PCLO: variants seen among roughly 807,000 people sequenced by gnomAD.
PCLO encodes the protein piccolo presynaptic cytomatrix protein, also known as protein piccolo.
A neutral mutation model predicts 427.5 loss-of-function variants in PCLO; 82 were observed. The observed-to-expected ratio is 0.19, with a 90% CI of 0.16 to 0.23. The LOEUF (loss-of-function observed/expected upper bound fraction) is 0.23. PCLO is among the 10% of genes least tolerant of loss of function. The pLI is 1.00. For missense variants in PCLO, 6,239 were observed against 6,115.9 expected (o/e 1.02, Z -0.67); for synonymous variants, 2,357 against 2,155.4 (o/e 1.09, Z -2.59).
intron 6 of PCLO, among the ~76,000 whole-genome samples, chr7:82,929,507 T>G (rs1794792404): frequency 6.6e-6 from 1 of 152,162 alleles, no homozygotes; most frequent in African/African-American, 2.4e-5. Flanking sequence ...AATTTCTACA[T>G]TAGCATATAT....
At chr7:82,870,126 T>G (rs1371955641) in intron 10 of PCLO, among the ~76,000 whole-genome samples, 1 of 151,698 alleles carries the variant, frequency 6.6e-6, no homozygotes, top group East Asian at 1.9e-4. Context: ...AGGCCCTGAA[T>G]AGACAAAGCA....
chr7:83,045,932 A>G (rs888795160), intron 3 of PCLO, among the ~76,000 whole-genome samples: 1 of 151,990 alleles, frequency 6.6e-6, no homozygotes, highest in Admixed American at 6.6e-5. Context: ...GGCTTTAACA[A>G]CTGAAATTTA....
At chr7:83,139,014 T>G (rs1791798649) in intron 2 of PCLO, among the ~76,000 whole-genome samples, 1 of 152,214 alleles carries the variant, frequency 6.6e-6, no homozygotes, top group East Asian at 1.9e-4. Flanking sequence ...AAAATCCCAA[T>G]TCAAGTTGTT....
chr7:82,835,625 A>T (rs1792214563), intron 16 of PCLO, 42 bp downstream of exon 16: 1 of 1,558,788 alleles, frequency 6.4e-7, no homozygotes, highest in African/African-American at 1.4e-5. Flanking sequence ...ATAATTCAAG[A>T]CATAGCAGCA....
At chr7:82,963,297 G>T (rs977904126) in intron 4 of PCLO, among the ~76,000 whole-genome samples, 1 of 151,914 alleles carries the variant, frequency 6.6e-6, no homozygotes, top group Admixed American at 6.6e-5. Flanking sequence ...TCTAGACAAA[G>T]AAATGCAATG....
At chr7:83,083,411 T>C (rs1048645016) in intron 3 of PCLO, among the ~76,000 whole-genome samples, 1 of 152,062 alleles carries the variant, frequency 6.6e-6, no homozygotes, top group Non-Finnish European at 1.5e-5. Context: ...TATCTGTGGA[T>C]GTAAAATTTT....
intron 17 of PCLO, 133 bp from the exon 18 acceptor site, chr7:82,826,793 G>GGT: frequency 4.4e-6 from 2 of 450,092 alleles, no homozygotes; most frequent in Non-Finnish European, 7.7e-6. Flanking sequence ...AAATTTTACC[G>GGT]AAAACTATGT....
chr7:83,032,265 G>C (rs1788687297), intron 3 of PCLO, among the ~76,000 whole-genome samples: 1 of 151,952 alleles, frequency 6.6e-6, no homozygotes, highest in Non-Finnish European at 1.5e-5. Context: ...TATCCTTTAA[G>C]TATTGCACAC....
intron 24 of PCLO, among the ~76,000 whole-genome samples, chr7:82,760,001 G>T (rs1451791853): frequency 6.6e-6 from 1 of 151,960 alleles, no homozygotes; most frequent in Non-Finnish European, 1.5e-5. Flanking sequence ...GTAAGGAGAT[G>T]AAAGATGTGG....
intron 3 of PCLO, among the ~76,000 whole-genome samples, chr7:83,050,227 A>AAAAAAAAAAAAAAAACAAAAACAAAAAC (rs71074611): frequency 9.3e-5 from 8 of 85,620 alleles, no homozygotes; most frequent in East Asian, 2.6e-4. Flanking sequence ...AAAAAAAAAA[A>AAAAAAAAAAAAAAAACAAAAACAAAAAC]AAAAAAAAAA....
chr7:82,800,422 G>A (rs2129468641), intron 22 of PCLO, among the ~76,000 whole-genome samples: 1 of 152,158 alleles, frequency 6.6e-6, no homozygotes, highest in African/African-American at 2.4e-5. Context: ...TTCCATGTGT[G>A]CACTTCAGTT....
chr7:83,093,569 T>G (rs1369235840), intron 3 of PCLO, among the ~76,000 whole-genome samples: 2 of 145,272 alleles, frequency 1.4e-5, no homozygotes, highest in South Asian at 2.2e-4. Context: ...CTCCGCTCAC[T>G]GCAAGCTCCG....
chr7:82,922,036 C>A (rs976950816), intron 6 of PCLO, among the ~76,000 whole-genome samples: 1 of 151,738 alleles, frequency 6.6e-6, no homozygotes, highest in Non-Finnish European at 1.5e-5. Flanking sequence ...AGATACCATC[C>A]TACACCAGTC....
intron 3 of PCLO, among the ~76,000 whole-genome samples, chr7:83,063,962 T>C (rs1429021234): frequency 2.0e-5 from 3 of 152,066 alleles, no homozygotes. Context: ...ATTTGACTTA[T>C]TGAGAAAATA....
intron 4 of PCLO, among the ~76,000 whole-genome samples, chr7:82,961,264 G>A (rs149491524): frequency 5.3e-5 from 8 of 152,266 alleles, no homozygotes; most frequent in Admixed American, 5.2e-4. Flanking sequence ...AAGTGGTCTG[G>A]AGGTTCAGGT....
At chr7:82,878,079 A>C (rs1793417659) in intron 10 of PCLO, among the ~76,000 whole-genome samples, 1 of 152,220 alleles carries the variant, frequency 6.6e-6, no homozygotes, top group Non-Finnish European at 1.5e-5. Flanking sequence ...GGTTTGAGTT[A>C]TAGCATTTGC....
At chr7:82,867,388 T>C (rs149877909) in intron 10 of PCLO, among the ~76,000 whole-genome samples, 15 of 152,324 alleles carry the variant, frequency 9.8e-5, no homozygotes, top group African/African-American at 3.6e-4. Flanking sequence ...TAAGAACACC[T>C]GGGTACTAAA....
intron 22 of PCLO, among the ~76,000 whole-genome samples, chr7:82,786,044 T>C (rs1003241229): frequency 2.0e-5 from 3 of 152,184 alleles, no homozygotes; most frequent in Non-Finnish European, 4.4e-5. Flanking sequence ...TAATTCATCT[T>C]CAAAAACTTC....
At chr7:83,075,193 T>G (rs963228690) in intron 3 of PCLO, among the ~76,000 whole-genome samples, 1 of 152,162 alleles carries the variant, frequency 6.6e-6, no homozygotes, top group Non-Finnish European at 1.5e-5. Flanking sequence ...AATTGAGAGA[T>G]ATCACCAAGT....
Sources: gnomAD v4.1 joint callset for allele counts (sites outside exome capture counted in the v4.1 genomes callset) on GRCh38, gnomAD v4.1.1 for gene constraint, MANE v1.5 for transcripts, NCBI Gene and HGNC (gene_info 2026-07-23, HGNC 2026-07-21) for gene names.